The following XPO5 variants were observed in gnomAD, a reference collection of about 807,000 sequenced individuals.
XPO5 encodes exportin 5, also known as exportin-5.
XPO5 carries 46 observed loss-of-function variants against 160.6 expected under a neutral mutation model. That is an observed-to-expected ratio of 0.29 (90% CI 0.23 to 0.37). The LOEUF (loss-of-function observed/expected upper bound fraction) is 0.37, where lower values mean the gene tolerates loss of function less well. Ranked by LOEUF, XPO5 falls within the 10% of genes least tolerant of loss-of-function variation. XPO5 has a pLI of 1.00. For missense variants in XPO5, 1,090 were observed against 1,463.9 expected (o/e 0.74, Z 4.17); for synonymous variants, 537 against 519.3 (o/e 1.03, Z -0.46).
At chr6:43,525,306 T>C (rs1793502776) in intron 28 of XPO5, 92 bp from the exon 29 acceptor site, 1 of 1,263,358 alleles carries the variant, frequency 7.9e-7, no homozygotes, top group Non-Finnish European at 1.1e-6. Context: ...GGTTTTTTTT[T>C]TTTCCTCCCC....
chr6:43,530,444 C>T (rs946991968), intron 23 of XPO5, among the ~76,000 whole-genome samples: 5 of 151,836 alleles, frequency 3.3e-5, no homozygotes, highest in Non-Finnish European at 7.4e-5. Flanking sequence ...AAAGTTTTAT[C>T]TGTAATAATT....
chr6:43,526,597 C>A, intron 27 of XPO5, 88 bp downstream of exon 27: 2 of 1,485,394 alleles, frequency 1.3e-6, no homozygotes, highest in Middle Eastern at 1.7e-4. Flanking sequence ...CTTCTCCTCA[C>A]CAGACTGCAA....
intron 2 of XPO5, among the ~76,000 whole-genome samples, chr6:43,573,216 C>T (rs1181535284): frequency 6.6e-6 from 1 of 152,172 alleles, no homozygotes; most frequent in Non-Finnish European, 1.5e-5. Context: ...AGTCAGAGCT[C>T]AGTAAGTATT....
chr6:43,522,791 C>T lies in XPO5; in HGVS notation c.*1077G>A, dbSNP rs934103911. The T allele has an allele frequency of 2.3e-6, 1 of 425,786 alleles. No homozygotes were observed. Among genetic ancestry groups the T allele is most frequent in the Non-Finnish European group, 5.1e-6 (1 of 194,368 alleles). 26.4% of individuals were successfully genotyped at this position (425,786 alleles called of 1,614,324 possible). The stretch of plus-strand genomic sequence containing the variant: ...ACACACTGGTTTCTGTATGGATTAA[C>T]TCTGCCTTACGGCCAGTAATAACCT... On this transcript the variant is annotated 3_prime_UTR_variant, in exon 32 of 32. Transcript: ENST00000265351.
chr6:43,562,275 G>A lies in XPO5; in HGVS notation c.983C>T (p.Ala328Val), dbSNP rs373915842. Residue 328 changes from alanine to valine, a missense_variant, in exon 9 of 32, where the codon GCG becomes GTG. Ala to Val is a moderately conservative substitution (Grantham distance 64). Transcript: ENST00000265351. ...CAATGCACACAGCTGATTGCCCAGCGCACACAACACCTGACAGAGCCTCTT... is the reference window on the plus strand; with the variant it reads ...CAATGCACACAGCTGATTGCCCAGCACACACAACACCTGACAGAGCCTCTT... ...FLKRLCQVLC[A>V]LGNQLCALLG... 1.9e-5 allele frequency: 30 copies of A among 1,608,018 alleles called. No homozygotes were observed. Among genetic ancestry groups the A allele is most frequent in the Non-Finnish European group, 2.2e-5 (26 of 1,177,546 alleles).
In XPO5 at chr6:43,535,746, G is replaced by A. The variant is rs562845815; in HGVS notation, c.2343-1739C>T. 3.3e-5 allele frequency among the ~76,000 whole-genome samples: 5 copies of A among 150,802 alleles called. No individual in the cohort carries two copies. The South Asian group carries it at 8.4e-4, about 25-fold the overall frequency. ...GGAGAATGGCGTGAACCCGGGAGGC[G>A]GAGCTTGCAATGAGCTGAAATCGCG... On this transcript the variant is annotated intron_variant, in intron 20 of 31. Coordinates refer to ENST00000265351, the MANE Select transcript of XPO5 (RefSeq NM_020750.3).
intron 23 of XPO5, among the ~76,000 whole-genome samples, chr6:43,530,291 G>A (rs917566186): frequency 1.3e-5 from 2 of 151,838 alleles, no homozygotes; most frequent in Non-Finnish European, 2.9e-5. Context: ...GGGCGTGATG[G>A]TGCACACCTG....
At chr6:43,540,920 T>TAA (rs112382275) in intron 20 of XPO5, among the ~76,000 whole-genome samples, 11 of 144,194 alleles carry the variant, frequency 7.6e-5, no homozygotes, top group African/African-American at 2.5e-4. Flanking sequence ...TATTCAGCCA[T>TAA]AAAAAAAAAA....
intron 29 of XPO5, 21 bp from the exon 30 acceptor site, chr6:43,524,989 T>C (rs1221715164): frequency 1.2e-6 from 2 of 1,610,836 alleles, no homozygotes; most frequent in Admixed American, 1.7e-5. Context: ...AACTGTGCTT[T>C]AGGGCCACAG....
At chr6:43,544,854 T>C (rs1302144656) in intron 20 of XPO5, among the ~76,000 whole-genome samples, 1 of 152,028 alleles carries the variant, frequency 6.6e-6, no homozygotes, top group Non-Finnish European at 1.5e-5. Context: ...CCTTTAGAAA[T>C]CAAAAGAAAA....
intron 9 of XPO5, 77 bp downstream of exon 9, chr6:43,562,170 C>A: frequency 8.7e-7 from 1 of 1,150,630 alleles, no homozygotes; most frequent in Non-Finnish European, 1.3e-6. Flanking sequence ...CATTTGCAAC[C>A]CCTCATTGAA....
At chr6:43,526,890 C>T (rs1007782217) in intron 26 of XPO5, 143 bp from the exon 27 acceptor site, 1 of 776,708 alleles carries the variant, frequency 1.3e-6, no homozygotes, top group Non-Finnish European at 2.2e-6. Context: ...CAAGAATTAG[C>T]TTCACCAATA....
Position 43,525,203 on chromosome 6 carries a change from T to C in XPO5, c.3078A>G (p.Thr1026=). ...AATTGAAGGCTGTAATTAATAGCGC[T>C]GTACAAACATCCTGAACAGGAAAAG... The part of the protein sequence containing the change: ...KCLMKHEDVC[T]ALLITAFNSL... The change falls in exon 29 of 32, where the codon ACA becomes ACG. Residue 1026 remains threonine, a synonymous_variant. Coordinates refer to ENST00000265351, the MANE Select transcript of XPO5 (RefSeq NM_020750.3). 3 of 1,576,182 alleles carry C rather than the reference T, an allele frequency of 1.9e-6. No homozygotes were observed. Among genetic ancestry groups the C allele is most frequent in the South Asian group, 1.2e-5 (1 of 85,862 alleles).
intron 21 of XPO5, among the ~76,000 whole-genome samples, chr6:43,532,651 C>T (rs2127709596): frequency 6.6e-6 from 1 of 152,340 alleles, no homozygotes; most frequent in Admixed American, 6.5e-5. Flanking sequence ...ATGCCCCTAA[C>T]CTAGCTAGTT....
chr6:43,570,873 G>A lies in XPO5; in HGVS notation c.422C>T (p.Thr141Ile). The part of the protein sequence containing the change: ...HWPDMLIELD[T>I]LSKQGETQTE... ...GTTTCATACCCCTTGTTTGGAAAGA[G>A]TGTCCAATTCTATTAGCATGTCAGG... Residue 141 changes from threonine to isoleucine, a missense_variant, in exon 4 of 32, where the codon ACT (threonine) becomes ATT (isoleucine). Transcript: ENST00000265351. 1 of 1,611,654 alleles carries A rather than the reference G, an allele frequency of 6.2e-7. No individual in the cohort carries two copies. Among genetic ancestry groups the A allele is most frequent in the Non-Finnish European group, 8.5e-7 (1 of 1,179,262 alleles).
At chr6:43,553,740 G>GCGA (rs1272013307) in intron 13 of XPO5, 17 of 763,694 alleles carry the variant, frequency 2.2e-5, no homozygotes, top group Non-Finnish European at 3.1e-5. Flanking sequence ...CTAACAATGA[G>GCGA]CGGTCTGAAT....
rs754325126 is a variant in XPO5 at position 43,530,676 on chromosome 6, T to C, written c.2677+12A>G. ...GACCTTTTGGGTTATGTAGAGACTT[T>C]TGAAAGGATATGAAGCATGGGTCTG... On this transcript the variant is annotated intron_variant, in intron 23 of 31. Coordinates refer to ENST00000265351, the MANE Select transcript of XPO5 (RefSeq NM_020750.3). The C allele has an allele frequency of 1.9e-6, 3 of 1,611,412 alleles. No homozygotes were observed. In the Admixed American group the frequency reaches 5.1e-5, roughly 27 times the overall value.
rs1561882891 is a variant in XPO5, at chr6:43,561,006, C to A, written c.1013G>T (p.Gly338Val). 1.2e-6 allele frequency: 2 copies of A among 1,613,152 alleles called. No individual in the cohort carries two copies. Among genetic ancestry groups the A allele is most frequent in the African/African-American group, 2.7e-5 (2 of 74,994 alleles). The change falls in exon 10 of 32, where the codon GGT becomes GTT. Residue 338 changes from glycine (G) to valine (V), a missense_variant and splice_region_variant. Around this residue, in one of 3 missense-constraint regions of XPO5, gnomAD observed 810 missense variants for 1,139.0 expected, o/e 0.71. Coordinates refer to ENST00000265351, the MANE Select transcript of XPO5 (RefSeq NM_020750.3). ...TGGTGTTTCTACATCAGAATCTGCA[C>A]CCTGTAGGAGAAGACCACTATATTA... Reference protein sequence around the residue: ...ALGNQLCALLGADSDVETPSN... With the variant: ...ALGNQLCALLVADSDVETPSN...
intron 26 of XPO5, 54 bp from the exon 27 acceptor site, chr6:43,526,801 C>T: frequency 1.3e-6 from 2 of 1,570,716 alleles, no homozygotes; most frequent in Non-Finnish European, 1.7e-6. Flanking sequence ...ACTACCACAA[C>T]AGCCACCTCA....
Sources: allele counts gnomAD v4.1 joint callset (sites outside exome capture counted in the v4.1 genomes callset), GRCh38; gene constraint gnomAD v4.1.1; regional missense constraint gnomAD v4.1.1; transcripts MANE v1.5; gene names NCBI Gene and HGNC (gene_info 2026-07-23, HGNC 2026-07-21).